Variants in THBS1 observed in about 807,000 individuals in gnomAD.
THBS1 encodes thrombospondin-1.
A neutral mutation model predicts 126.1 loss-of-function variants in THBS1; 29 were observed. The ratio of observed to expected loss-of-function variants is 0.23; its 90% CI spans 0.17 to 0.31. The LOEUF (loss-of-function observed/expected upper bound fraction) is 0.31. THBS1 is among the 10% of genes least tolerant of loss of function. The pLI, the probability that THBS1 is intolerant of heterozygous loss-of-function variation, is 1.00. For synonymous variants in THBS1, 496 were observed against 577.8 expected (o/e 0.86, Z 2.03); for missense variants, 1,198 against 1,545.2 (o/e 0.78, Z 3.77).
At chr15:39,581,769 G>A (rs1199984044) in intron 1 of THBS1, 60 bp from the exon 2 acceptor site, 5 of 1,133,290 alleles carry the variant, frequency 4.4e-6, no homozygotes, top group Middle Eastern at 2.2e-4. Context: ...CCGTTTCTGC[G>A]CACCGTCCCT....
chr15:39,593,202 CAA>C lies in THBS1; in HGVS notation c.2971_2972del (p.Asn991LeufsTer2), dbSNP rs777586514. ...HQGKELVQTV[N>X]CDPGLAVGYD... The stretch of plus-strand genomic sequence containing the variant: ...AGGGTAAAGAACTCGTCCAGACTGT[CAA>C]CTGTGATCCTGGACTCGCTGTAGGT... On this transcript the variant is annotated frameshift_variant, in exon 18 of 22. Coordinates refer to ENST00000260356, the MANE Select transcript of THBS1 (RefSeq NM_003246.4). LOFTEE classifies it high-confidence loss of function. This position sits in a 1 kb window ranked among gnomAD's most constrained non-coding sequence, Gnocchi z 5.9. 2 of 1,613,996 alleles carry C rather than the reference CAA, an allele frequency of 1.2e-6. No homozygotes were observed. Among genetic ancestry groups the C allele is most frequent in the African/African-American group, 1.3e-5 (1 of 75,030 alleles).
chr15:39,584,726 C>T (rs1890178761), intron 6 of THBS1, among the ~76,000 whole-genome samples: 1 of 143,984 alleles, frequency 6.9e-6, no homozygotes, highest in Non-Finnish European at 1.5e-5. Context: ...GTAAATAAAA[C>T]CTGGTTGGAA....
rs1890403297 is a variant in THBS1, at chr15:39,594,913, C to G, written c.3506-449C>G. Among the ~76,000 whole-genome samples the G allele has an allele frequency of 6.6e-6, 1 of 151,972 alleles. No homozygotes were observed. Among genetic ancestry groups the G allele is most frequent in the Non-Finnish European group, 1.5e-5 (1 of 67,958 alleles). On this transcript the variant is annotated intron_variant, in intron 21 of 21. Transcript: ENST00000260356. This position sits in a 1 kb window ranked among gnomAD's most constrained non-coding sequence, Gnocchi z 4.4. ...AAACTTAGCATTTTTTTTCCTCATT[C>G]TTTTTTACTTAGTCATTACTTAAGC... is the stretch of plus-strand genomic sequence containing the variant.
intron 16 of THBS1, among the ~76,000 whole-genome samples, 192 bp downstream of exon 16, chr15:39,591,815 T>A (rs1952704873): frequency 6.6e-6 from 1 of 152,208 alleles, no homozygotes; most frequent in African/African-American, 2.4e-5. Flanking sequence ...GTCTCACAGA[T>A]CTTTAGCATG....
At position 39,593,927 on chromosome 15, in the gene THBS1, A is replaced by G. The variant is rs1004485258; in HGVS notation, c.3268-172A>G. 4.6e-6 allele frequency: 4 copies of G among 866,666 alleles called. No individual in the cohort carries two copies. Among genetic ancestry groups the G allele is most frequent in the Admixed American group, 2.9e-5 (1 of 34,330 alleles). The allele number at this position is 866,666 out of a possible 1,614,324, so 53.7% of individuals were successfully genotyped here. On this transcript the variant is annotated intron_variant, in intron 19 of 21. Transcript: ENST00000260356. The surrounding 1 kb of genome is among the most constrained non-coding windows in gnomAD (Gnocchi z 5.9). ...CTTCCCTCCTCTCTGTCTGCTTTAT[A>G]TGTGTGCTCAGTGGCACACAACAAA...
rs1332743396 is a variant in THBS1, at chr15:39,588,981, C to A, written c.1668C>A (p.Cys556Ter). 1 of 1,614,048 alleles carries A rather than the reference C, an allele frequency of 6.2e-7. No individual in the cohort carries two copies. The highest frequency in any genetic ancestry group is 8.5e-7 in the Non-Finnish European group (1 of 1,180,036). Reference sequence around the variant, plus strand: ...CAGATGGATGCCTGTCCAATCCCTGCTTTGCCGGCGTGAAGTGTACTAGCT... The same window carrying A: ...CAGATGGATGCCTGTCCAATCCCTGATTTGCCGGCGTGAAGTGTACTAGCT... ...CPIDGCLSNP[C>*]FAGVKCTSYP... Residue 556 changes from cysteine (C) to a stop codon, truncating the protein, a stop_gained, in exon 11 of 22, where the codon TGC becomes TGA. Coordinates refer to ENST00000260356, the MANE Select transcript of THBS1 (RefSeq NM_003246.4). LOFTEE classifies it high-confidence loss of function.
Position 39,594,334 on chromosome 15 carries a change from T to C in THBS1, c.3399T>C (p.Ala1133=), listed in dbSNP as rs768149682. Residue 1133 remains alanine, a synonymous_variant, in exon 21 of 22, where the codon GCT becomes GCC. Transcript: ENST00000260356. This position sits in a 1 kb window ranked among gnomAD's most constrained non-coding sequence, Gnocchi z 4.4. ...VVMYEGKKIM[A]DSGPIYDKTY... is the part of the protein sequence containing the mutation. ...TGTATGAAGGGAAGAAAATCATGGC[T>C]GACTCAGGACCCATCTATGATAAAA... The C allele has an allele frequency of 3.1e-6, 5 of 1,614,246 alleles. No individual in the cohort carries two copies. The South Asian group carries it at 5.5e-5, about 18-fold the overall frequency.
In THBS1 at chr15:39,596,047, T is replaced by A; in HGVS notation, c.*678T>A. On this transcript the variant is annotated 3_prime_UTR_variant, in exon 22 of 22. Coordinates refer to ENST00000260356, the MANE Select transcript of THBS1 (RefSeq NM_003246.4). Reference sequence around the variant, plus strand: ...TGGACTTCCTCCCTGATCCCCACCCTTACTCATCACCTGCAGTGGCCAGAA... The same window carrying A: ...TGGACTTCCTCCCTGATCCCCACCCATACTCATCACCTGCAGTGGCCAGAA... 2.7e-6 allele frequency: 1 copy of A among 366,604 alleles called. No homozygotes were observed. Among genetic ancestry groups the A allele is most frequent in the Non-Finnish European group, 5.4e-6 (1 of 184,302 alleles). 22.7% of individuals were successfully genotyped at this position (366,604 alleles called of 1,614,324 possible). A position where few individuals can be genotyped will look rare whatever the true frequency, so the allele number is the denominator to read the frequency against.
intron 2 of THBS1, 117 bp downstream of exon 2, chr15:39,582,041 G>T: frequency 7.5e-7 from 1 of 1,337,542 alleles, no homozygotes; most frequent in Non-Finnish European, 1.1e-6. Flanking sequence ...ACATCAGGAC[G>T]CAGCTTCACT....
At position 39,588,157 on chromosome 15, in the gene THBS1, C is replaced by T. The variant is rs2228261; in HGVS notation, c.1410C>T (p.Asn470=). The change falls in exon 9 of 22, where the codon AAC becomes AAT. Residue 470 remains asparagine, a synonymous_variant. Coordinates refer to ENST00000260356, the MANE Select transcript of THBS1 (RefSeq NM_003246.4). ...RLCNSPSPQM[N]GKPCEGEARE... The stretch of plus-strand genomic sequence containing the variant: ...GCAACTCTCCCAGCCCCCAGATGAA[C>T]GGGAAACCCTGTGAAGGCGAAGCGC... 0.15 allele frequency: 236,989 copies of T among 1,613,928 alleles called. 21,969 individuals are homozygous for T. The highest frequency in any genetic ancestry group is 0.41 in the African/African-American group (30,499 of 74,914).
Position 39,589,266 on chromosome 15 carries a change from C to T in THBS1, c.1838C>T (p.Pro613Leu). 2 of 1,614,146 alleles carry T rather than the reference C, an allele frequency of 1.2e-6. No homozygotes were observed. Among genetic ancestry groups the T allele is most frequent in the Non-Finnish European group, 1.7e-6 (2 of 1,180,044 alleles). Residue 613 changes from proline to leucine, a missense_variant, in exon 12 of 22, where the codon CCC (proline) becomes CTC (leucine). Physicochemically the swap from Pro to Leu is moderately conservative, Grantham distance 98. Coordinates refer to ENST00000260356, the MANE Select transcript of THBS1 (RefSeq NM_003246.4). The surrounding 1 kb of genome is among the most constrained non-coding windows in gnomAD (Gnocchi z 4.7). ...GAGCACCGGTGTGAGAACACGGACC[C>T]CGGCTACAACTGCCTGCCCTGCCCC... ...NGEHRCENTD[P>L]GYNCLPCPPR... is the part of the protein sequence containing the mutation.
chr15:39,593,234 A>G lies in THBS1; in HGVS notation c.2995+7A>G. 3 of 1,613,618 alleles carry G rather than the reference A, an allele frequency of 1.9e-6. No individual in the cohort carries two copies. Among genetic ancestry groups the G allele is most frequent in the Non-Finnish European group, 2.5e-6 (3 of 1,179,516 alleles). On this transcript the variant is annotated splice_region_variant and intron_variant, in intron 18 of 21. Transcript: ENST00000260356. The surrounding 1 kb of genome is among the most constrained non-coding windows in gnomAD (Gnocchi z 5.9). ...GATCCTGGACTCGCTGTAGGTGAGTAGCGAGTTCTTAGATCCTAAGAGACT... is the reference window on the plus strand; with the variant it reads ...GATCCTGGACTCGCTGTAGGTGAGTGGCGAGTTCTTAGATCCTAAGAGACT...
chr15:39,596,156 T>C lies in THBS1; in HGVS notation c.*787T>C, dbSNP rs1890438204. The C allele has an allele frequency of 3.6e-6, 1 of 275,216 alleles. No homozygotes were observed. The highest frequency in any genetic ancestry group is 7.2e-6 in the Non-Finnish European group (1 of 138,816). The allele number at this position is 275,216 out of a possible 1,614,324, so 17.0% of individuals were successfully genotyped here. ...TTGAAATTGGTGGCTTCATTCTAGA[T>C]GTAGCTTGTGCAGATGTAGCAGGAA... On this transcript the variant is annotated 3_prime_UTR_variant, in exon 22 of 22. Transcript: ENST00000260356.
In THBS1 at chr15:39,594,387, T is replaced by C; in HGVS notation, c.3452T>C (p.Phe1151Ser). Residue 1151 changes from phenylalanine (F) to serine (S), a missense_variant, in exon 21 of 22, where the codon TTT becomes TCT. Phe to Ser is a radical substitution (Grantham distance 155, BLOSUM62 -2). Coordinates refer to ENST00000260356, the MANE Select transcript of THBS1 (RefSeq NM_003246.4). The surrounding 1 kb of genome is among the most constrained non-coding windows in gnomAD (Gnocchi z 4.4). ...TATGCTGGTGGTAGACTAGGGTTGT[T>C]TGTCTTCTCTCAAGAAATGGTGTTC... The part of the protein sequence containing the change: ...KTYAGGRLGL[F>S]VFSQEMVFFS... The C allele has an allele frequency of 6.2e-7, 1 of 1,614,258 alleles. No individual in the cohort carries two copies. Among genetic ancestry groups the C allele is most frequent in the Non-Finnish European group, 8.5e-7 (1 of 1,180,050 alleles).
At chr15:39,595,278 G>A in intron 21 of THBS1, 84 bp from the exon 22 acceptor site, 1 of 905,000 alleles carries the variant, frequency 1.1e-6, no homozygotes, top group Non-Finnish European at 1.6e-6. Flanking sequence ...CTATTCCTAT[G>A]TGGTTAACTT....
At chr15:39,586,198 A>G (rs1458680472) in intron 7 of THBS1, among the ~76,000 whole-genome samples, 1 of 152,204 alleles carries the variant, frequency 6.6e-6, no homozygotes, top group East Asian at 1.9e-4. Flanking sequence ...AAACAGGAAA[A>G]CAGCACTTGC....
chr15:39,592,824 C>T lies in THBS1; in HGVS notation c.2767+22C>T, dbSNP rs1459309073. The T allele has an allele frequency of 1.9e-6, 3 of 1,602,768 alleles. No individual in the cohort carries two copies. The highest frequency in any genetic ancestry group is 2.6e-6 in the Non-Finnish European group (3 of 1,172,874). ...GACGGTGAGTCATGGGAGCCACTTT[C>T]TAAGACAGGGACTGCTGGCACAGCT... On this transcript the variant is annotated intron_variant, in intron 17 of 21. Coordinates refer to ENST00000260356, the MANE Select transcript of THBS1 (RefSeq NM_003246.4). This position sits in a 1 kb window ranked among gnomAD's most constrained non-coding sequence, Gnocchi z 4.3.
chr15:39,594,327 T>C lies in THBS1; in HGVS notation c.3392T>C (p.Ile1131Thr). ...IRVVMYEGKK[I>T]MADSGPIYDK... is the part of the protein sequence containing the mutation. The stretch of plus-strand genomic sequence containing the variant: ...GTGGTGATGTATGAAGGGAAGAAAA[T>C]CATGGCTGACTCAGGACCCATCTAT... Residue 1131 changes from isoleucine to threonine, a missense_variant, in exon 21 of 22, where the codon ATC becomes ACC. Physicochemically the swap from Ile to Thr is moderately conservative, Grantham distance 89. This residue lies in a region of THBS1 where 255 missense variants were observed against 373.9 expected (regional missense o/e 0.68). Coordinates refer to ENST00000260356, the MANE Select transcript of THBS1 (RefSeq NM_003246.4). This position sits in a 1 kb window ranked among gnomAD's most constrained non-coding sequence, Gnocchi z 4.4. The C allele has an allele frequency of 1.9e-6, 3 of 1,614,092 alleles. No individual in the cohort carries two copies. Among genetic ancestry groups the C allele is most frequent in the Non-Finnish European group, 1.7e-6 (2 of 1,180,022 alleles).
chr15:39,587,619 T>C (rs1377042459), intron 8 of THBS1, 99 bp downstream of exon 8: 1 of 1,275,666 alleles, frequency 7.8e-7, no homozygotes, highest in Non-Finnish European at 1.1e-6. Context: ...ACACGGGTTC[T>C]AGGATCTCTG....
Sources: gnomAD v4.1 joint callset for allele counts (sites outside exome capture counted in the v4.1 genomes callset) on GRCh38, gnomAD v4.1.1 for gene constraint, gnomAD v4.1.1 regional missense constraint, Gnocchi (gnomAD v3.1) non-coding constraint, MANE v1.5 for transcripts, NCBI Gene and HGNC (gene_info 2026-07-23, HGNC 2026-07-21) for gene names.